The following BTBD9 variants were observed in gnomAD, a reference collection of about 807,000 sequenced individuals.
The protein encoded by BTBD9 is BTB/POZ domain-containing protein 9.
In BTBD9, 49 loss-of-function variants were observed where a neutral mutation model predicts 64.3. The ratio of observed to expected loss-of-function variants is 0.76; its 90% CI spans 0.61 to 0.97. BTBD9 has a LOEUF of 0.97. Ranked by LOEUF, BTBD9 falls within the 50% of genes least tolerant of loss-of-function variation. BTBD9 has a pLI of 0.00. For missense variants in BTBD9, 598 were observed against 762.1 expected (o/e 0.78, Z 2.53); for synonymous variants, 260 against 274.7 (o/e 0.95, Z 0.53).
chr6:38,514,063 A>G (rs1404808689), intron 6 of BTBD9, among the ~76,000 whole-genome samples: 1 of 152,216 alleles, frequency 6.6e-6, no homozygotes, highest in Non-Finnish European at 1.5e-5. Flanking sequence ...TTAAACATGA[A>G]GAAGAAGAGC....
chr6:38,500,479 C>A (rs1301806725), intron 6 of BTBD9, among the ~76,000 whole-genome samples: 1 of 152,216 alleles, frequency 6.6e-6, no homozygotes, highest in East Asian at 1.9e-4. Context: ...ATGCAGACTG[C>A]AATAAGGCAG....
intron 9 of BTBD9, among the ~76,000 whole-genome samples, chr6:38,255,658 A>G (rs1475532148): frequency 6.6e-6 from 1 of 152,210 alleles, no homozygotes; most frequent in Admixed American, 6.5e-5. Context: ...TGGAGAAATA[A>G]GGTACAAGGC....
At chr6:38,219,754 A>G (rs1484325483) in intron 9 of BTBD9, among the ~76,000 whole-genome samples, 1 of 152,210 alleles carries the variant, frequency 6.6e-6, no homozygotes, top group African/African-American at 2.4e-5. Flanking sequence ...CATATAAGCC[A>G]CCAATAAACA....
chr6:38,597,634 T>C (rs1699017), intron 2 of BTBD9, among the ~76,000 whole-genome samples: 99,899 of 152,006 alleles, frequency 0.66, 33,197 homozygotes, highest in African/African-American at 0.76. Flanking sequence ...AACGAAGACT[T>C]AGCCTGAGAA....
intron 8 of BTBD9, among the ~76,000 whole-genome samples, chr6:38,271,396 T>G (rs1021887757): frequency 6.6e-6 from 1 of 152,112 alleles, no homozygotes; most frequent in Non-Finnish European, 1.5e-5. Flanking sequence ...ATAACAGGAT[T>G]ATTATTATTA....
rs1459329991 is a variant in BTBD9 at position 38,559,550 on chromosome 6, C to A, written c.1154+18050G>T. Among the ~76,000 whole-genome samples the A allele has an allele frequency of 3.9e-5, 6 of 152,284 alleles. No homozygotes were observed. The East Asian group carries it at 1.2e-3, about 29-fold the overall frequency. ...GCTATTCCTATCAAAGTATCAACATCATTTTTCACAGAATTAGAAAAAACT... is the reference window on the plus strand; with the variant it reads ...GCTATTCCTATCAAAGTATCAACATAATTTTTCACAGAATTAGAAAAAACT... On this transcript the variant is annotated intron_variant, in intron 6 of 10. Coordinates refer to ENST00000481247, the MANE Select transcript of BTBD9 (RefSeq NM_001099272.2).
At chr6:38,606,782 A>G (rs546118850) in intron 1 of BTBD9, among the ~76,000 whole-genome samples, 1 of 152,308 alleles carries the variant, frequency 6.6e-6, no homozygotes, top group South Asian at 2.1e-4. Context: ...TAATATTCAA[A>G]AAATTGAATT....
chr6:38,313,672 C>T (rs565318570), intron 7 of BTBD9, among the ~76,000 whole-genome samples: 1 of 151,292 alleles, frequency 6.6e-6, no homozygotes, highest in South Asian at 2.1e-4. Flanking sequence ...TATGATATAT[C>T]ATGTTGATTG....
intron 6 of BTBD9, among the ~76,000 whole-genome samples, chr6:38,482,787 C>T (rs972302269): frequency 2.6e-5 from 4 of 152,106 alleles, no homozygotes; most frequent in African/African-American, 9.7e-5. Flanking sequence ...AGTGGACCTG[C>T]AAAAACAGAG....
intron 6 of BTBD9, among the ~76,000 whole-genome samples, chr6:38,506,164 C>T (rs1226661637): frequency 6.6e-6 from 1 of 152,044 alleles, no homozygotes; most frequent in Non-Finnish European, 1.5e-5. Context: ...CATCTTGATT[C>T]TATACATTAC....
chr6:38,585,203 C>T (rs1214366959), intron 4 of BTBD9, among the ~76,000 whole-genome samples: 1 of 152,156 alleles, frequency 6.6e-6, no homozygotes, highest in Non-Finnish European at 1.5e-5. Context: ...ATTTATACAT[C>T]CCCTATTTAC....
At chr6:38,428,380 T>C (rs1252956644) in intron 6 of BTBD9, among the ~76,000 whole-genome samples, 2 of 151,824 alleles carry the variant, frequency 1.3e-5, no homozygotes. Context: ...TAGCACTTGC[T>C]CTATTAATGC....
At chr6:38,303,766 G>A (rs1444825944) in intron 7 of BTBD9, among the ~76,000 whole-genome samples, 2 of 146,616 alleles carry the variant, frequency 1.4e-5, no homozygotes, top group East Asian at 2.0e-4. Context: ...ATTTATAAAC[G>A]GATTTGTTAA....
At chr6:38,537,843 A>G (rs1037472571) in intron 6 of BTBD9, among the ~76,000 whole-genome samples, 4 of 152,284 alleles carry the variant, frequency 2.6e-5, no homozygotes, top group African/African-American at 7.2e-5. Context: ...GTAGTGATGT[A>G]TAACACTTTC....
chr6:38,322,675 G>C (rs539394458), intron 7 of BTBD9, among the ~76,000 whole-genome samples: 501 of 152,300 alleles, frequency 3.3e-3, no homozygotes, highest in South Asian at 0.023. Flanking sequence ...TACAGCGTCT[G>C]TTTTATAACT....
At chr6:38,312,589 G>C (rs1286439700) in intron 7 of BTBD9, among the ~76,000 whole-genome samples, 2 of 152,140 alleles carry the variant, frequency 1.3e-5, no homozygotes, top group Non-Finnish European at 2.9e-5. Flanking sequence ...TATATGGAGA[G>C]GGAGATAGAG....
chr6:38,592,385 C>T (rs1343901381), intron 4 of BTBD9, among the ~76,000 whole-genome samples, 191 bp downstream of exon 4: 2 of 152,056 alleles, frequency 1.3e-5, no homozygotes, highest in Non-Finnish European at 1.5e-5. Flanking sequence ...TGGGGGTCTA[C>T]AAAAGCTAAT....
chr6:38,317,086 C>G (rs1360853533), intron 7 of BTBD9, among the ~76,000 whole-genome samples: 2 of 150,166 alleles, frequency 1.3e-5, no homozygotes, highest in African/African-American at 4.9e-5. Context: ...ACCTCCACCC[C>G]CTGGATTCAA....
At chr6:38,293,415 A>C (rs1762035713) in intron 7 of BTBD9, among the ~76,000 whole-genome samples, 1 of 152,160 alleles carries the variant, frequency 6.6e-6, no homozygotes, top group South Asian at 2.1e-4. Flanking sequence ...CTGACTTCAA[A>C]CTACACTACA....
Sources: gnomAD v4.1 joint callset for allele counts (sites outside exome capture counted in the v4.1 genomes callset) on GRCh38, gnomAD v4.1.1 for gene constraint, MANE v1.5 for transcripts, NCBI Gene and HGNC (gene_info 2026-07-23, HGNC 2026-07-21) for gene names.